The following SH2B3 variants were observed in gnomAD, a reference collection of about 807,000 sequenced individuals.
The protein encoded by SH2B3 is SH2B adaptor protein 3, also known as SH2B adapter protein 3.
A neutral mutation model predicts 51.9 loss-of-function variants in SH2B3; 43 were observed. The observed-to-expected ratio is 0.83, with a 90% CI of 0.65 to 1.07. The LOEUF (loss-of-function observed/expected upper bound fraction) is 1.07, where lower values mean the gene tolerates loss of function less well. Among genes scored for constraint, SH2B3 ranks in the 50% least tolerant of loss-of-function variants. SH2B3 has a pLI of 0.00. For synonymous variants in SH2B3, 396 were observed against 376.0 expected, an observed-to-expected ratio of 1.05 and a Z score of -0.62; for missense variants, 952 against 834.3, an observed-to-expected ratio of 1.14 and a Z score of -1.74.
chr12:111,418,668 CGGCCT>C lies in SH2B3; in HGVS notation c.533_537del (p.Leu178GlnfsTer88). 6 of 1,486,938 alleles carry C rather than the reference CGGCCT, an allele frequency of 4.0e-6. No individual in the cohort carries two copies. Among genetic ancestry groups the C allele is most frequent in the African/African-American group, 1.5e-5 (1 of 67,890 alleles). 92.1% of individuals were successfully genotyped at this position (1,486,938 alleles called of 1,614,324 possible). On this transcript the variant is annotated frameshift_variant, in exon 2 of 8. Coordinates refer to ENST00000341259, the MANE Select transcript of SH2B3 (RefSeq NM_005475.3). LOFTEE classifies it high-confidence loss of function. The surrounding 1 kb of genome is among the most constrained non-coding windows in gnomAD (Gnocchi z 6.7). Reference sequence around the variant, plus strand: ...CGGAGAGGCTGCTGAGACCCCCGCCCGGCCTGGCCTGGCCAAGAAGTTCCTGCCCT... The same window carrying C: ...CGGAGAGGCTGCTGAGACCCCCGCCCGGCCTGGCCAAGAAGTTCCTGCCCT...
At chr12:111,421,665 C>G (rs1370574468) in intron 2 of SH2B3, among the ~76,000 whole-genome samples, 1 of 152,142 alleles carries the variant, frequency 6.6e-6, no homozygotes, top group Non-Finnish European at 1.5e-5. Flanking sequence ...GGTCCCCCCA[C>G]TTCGGCCTCC....
chr12:111,445,452 G>A (rs1190922277), intron 2 of SH2B3, among the ~76,000 whole-genome samples: 2 of 152,332 alleles, frequency 1.3e-5, no homozygotes, highest in East Asian at 1.9e-4. Flanking sequence ...GCCTCACTCT[G>A]CCTGCCTCAT....
intron 2 of SH2B3, among the ~76,000 whole-genome samples, chr12:111,428,756 G>A (rs569206644): frequency 7.2e-5 from 11 of 152,272 alleles, no homozygotes; most frequent in Non-Finnish European, 1.5e-4. Flanking sequence ...CTCCCTCTGG[G>A]TGGGCTGTGA....
chr12:111,432,218 A>C (rs1171476623), intron 2 of SH2B3, among the ~76,000 whole-genome samples: 5 of 151,048 alleles, frequency 3.3e-5, no homozygotes, highest in African/African-American at 1.2e-4. Context: ...CGCCCGGCTA[A>C]TTTTTGTATT....
chr12:111,423,445 C>T (rs1317846113), intron 2 of SH2B3, among the ~76,000 whole-genome samples: 1 of 152,176 alleles, frequency 6.6e-6, no homozygotes, highest in East Asian at 1.9e-4. Flanking sequence ...TGTCAGCTCA[C>T]TGCCAGCTCC....
chr12:111,409,336 C>T lies in SH2B3; in HGVS notation c.-28+3059C>T, dbSNP rs1194064695. On this transcript the variant is annotated intron_variant, in intron 1 of 7. Transcript: ENST00000341259. The surrounding 1 kb of genome is among the most constrained non-coding windows in gnomAD (Gnocchi z 4.0). ...TGCACAGTGCCCGGCATGCAATTGGCACTCAATAAGTGCAAGCCATTGCTG... is the reference window on the plus strand; with the variant it reads ...TGCACAGTGCCCGGCATGCAATTGGTACTCAATAAGTGCAAGCCATTGCTG... 2.0e-5 allele frequency among the ~76,000 whole-genome samples: 3 copies of T among 152,216 alleles called. No individual in the cohort carries two copies. The highest frequency in any genetic ancestry group is 1.3e-4 in the Admixed American group (2 of 15,282).
intron 2 of SH2B3, chr12:111,434,829 A>G (rs1872725627): frequency 6.6e-7 from 1 of 1,522,864 alleles, no homozygotes; most frequent in Non-Finnish European, 8.8e-7. Context: ...GGCCTGTGAC[A>G]TGGTAAACGT....
Position 111,418,431 on chromosome 12 carries a change from C to A in SH2B3, c.286C>A (p.Pro96Thr), listed in dbSNP as rs984821826. The A allele has an allele frequency of 1.4e-6, 2 of 1,456,702 alleles. No homozygotes were observed. The highest frequency in any genetic ancestry group is 1.3e-5 in the South Asian group (1 of 77,274). 90.2% of individuals were successfully genotyped at this position (1,456,702 alleles called of 1,614,324 possible). A position where few individuals can be genotyped will look rare whatever the true frequency, so the allele number is the denominator to read the frequency against. The change falls in exon 2 of 8, where the codon CCC (proline) becomes ACC (threonine). Residue 96 changes from proline to threonine, a missense_variant. Pro to Thr is a conservative substitution (Grantham distance 38). Transcript: ENST00000341259. This position sits in a 1 kb window ranked among gnomAD's most constrained non-coding sequence, Gnocchi z 6.7. ...GRDYRDTGRG[P>T]PAKAEASPEP... The stretch of plus-strand genomic sequence containing the variant: ...CGACTACCGGGACACAGGCCGTGGG[C>A]CCCCAGCCAAGGCCGAGGCGTCCCC...
rs1285094939 is a variant in SH2B3, at chr12:111,447,013, C to A, written c.906C>A (p.Leu302=). 1.2e-6 allele frequency: 2 copies of A among 1,614,020 alleles called. No individual in the cohort carries two copies. The highest frequency in any genetic ancestry group is 2.7e-5 in the African/African-American group (2 of 75,022). Residue 302 remains leucine (L), a synonymous_variant, in exon 4 of 8, where the codon CTC becomes CTA. Coordinates refer to ENST00000341259, the MANE Select transcript of SH2B3 (RefSeq NM_005475.3). ...EQQLNSWMAE[L]SECTGRGLES... is the part of the protein sequence containing the mutation. ...AGCTGAATTCATGGATGGCTGAGCT[C>A]TCGGAGTGCACAGGCCGAGGGTGAG...
intron 1 of SH2B3, among the ~76,000 whole-genome samples, chr12:111,412,811 T>A (rs1870803108): frequency 6.6e-6 from 1 of 152,052 alleles, no homozygotes; most frequent in Non-Finnish European, 1.5e-5. Context: ...GCTCAAGCAA[T>A]CCTCCCGCCT....
intron 1 of SH2B3, among the ~76,000 whole-genome samples, chr12:111,413,604 C>T (rs1049356163): frequency 5.3e-5 from 8 of 152,206 alleles, no homozygotes; most frequent in African/African-American, 1.4e-4. Flanking sequence ...CTCTGACATA[C>T]AGGACTGTGC....
chr12:111,405,243 C>T (rs1315542216), upstream of SH2B3, among the ~76,000 whole-genome samples: 1 of 152,142 alleles, frequency 6.6e-6, no homozygotes, highest in Non-Finnish European at 1.5e-5. This position sits in a 1 kb window ranked among gnomAD's most constrained non-coding sequence, Gnocchi z 5.4. Context: ...GACGGGCGGC[C>T]GGAGCGAGGC....
intron 2 of SH2B3, among the ~76,000 whole-genome samples, chr12:111,443,245 G>A (rs1873608942): frequency 6.6e-6 from 1 of 152,198 alleles, no homozygotes; most frequent in Admixed American, 6.5e-5. Context: ...GTGACCCCAC[G>A]AGGCTGGTGT....
At chr12:111,434,725 TCAC>T in intron 2 of SH2B3, 1 of 1,392,166 alleles carries the variant, frequency 7.2e-7, no homozygotes, top group Non-Finnish European at 9.4e-7. Context: ...GTTTCCTTTT[TCAC>T]TTTTAATTAT....
At chr12:111,442,476 G>C (rs995410797) in intron 2 of SH2B3, among the ~76,000 whole-genome samples, 7 of 152,188 alleles carry the variant, frequency 4.6e-5, no homozygotes, top group Non-Finnish European at 8.8e-5. Flanking sequence ...GCTGTACACC[G>C]ATGAATGTGG....
At chr12:111,408,917 G>A (rs1357709244) in intron 1 of SH2B3, among the ~76,000 whole-genome samples, 1 of 152,224 alleles carries the variant, frequency 6.6e-6, no homozygotes, top group Non-Finnish European at 1.5e-5. Context: ...ATAAGGCACT[G>A]AGCGCTGAGC....
chr12:111,447,563 TG>T lies in SH2B3; in HGVS notation c.1236+23del. The T allele has an allele frequency of 5.4e-6, 1 of 183,954 alleles. No individual in the cohort carries two copies. Among genetic ancestry groups the T allele is most frequent in the Non-Finnish European group, 1.1e-5 (1 of 94,544 alleles). 11.4% of individuals were successfully genotyped at this position (183,954 alleles called of 1,614,324 possible). ...AGCCAAGGTATGGGGTGGGGTGGGG[TG>T]GGGTGGGGCAGGCAGGACCGTGCCA... is the stretch of plus-strand genomic sequence containing the variant. On this transcript the variant is annotated intron_variant, in intron 6 of 7. Coordinates refer to ENST00000341259, the MANE Select transcript of SH2B3 (RefSeq NM_005475.3).
Position 111,446,738 on chromosome 12 carries a change from A to G in SH2B3, c.733-15A>G, listed in dbSNP as rs1156579630. 1 of 1,482,298 alleles carries G rather than the reference A, an allele frequency of 6.7e-7. No individual in the cohort carries two copies. The highest frequency in any genetic ancestry group is 9.1e-7 in the Non-Finnish European group (1 of 1,100,678). The allele number at this position is 1,482,298 out of a possible 1,614,324, so 91.8% of individuals were successfully genotyped here. A position where few individuals can be genotyped will look rare whatever the true frequency, so the allele number is the denominator to read the frequency against. On this transcript the variant is annotated splice_polypyrimidine_tract_variant and intron_variant, in intron 2 of 7. Coordinates refer to ENST00000341259, the MANE Select transcript of SH2B3 (RefSeq NM_005475.3). ...ATCAGGAACAAGCCTTGAGTACCCC[A>G]ACTTGGTCTCGTAGAGTTCAAGGCC...
rs1212309249 is a variant in SH2B3 at position 111,449,068 on chromosome 12, G to GC, written c.*768dup. On this transcript the variant is annotated 3_prime_UTR_variant, in exon 8 of 8. Coordinates refer to ENST00000341259, the MANE Select transcript of SH2B3 (RefSeq NM_005475.3). The stretch of plus-strand genomic sequence containing the variant: ...CGGGACAGTCACCTGCCACTGAGTG[G>GC]CCACTGTCCTTCCTAAATGTCAAGA... 6.6e-6 allele frequency: 1 copy of GC among 152,634 alleles called. No individual in the cohort carries two copies. Among genetic ancestry groups the GC allele is most frequent in the African/African-American group, 2.4e-5 (1 of 41,438 alleles). 9.5% of individuals were successfully genotyped at this position (152,634 alleles called of 1,614,324 possible).
Sources: allele counts gnomAD v4.1 joint callset (sites outside exome capture counted in the v4.1 genomes callset), GRCh38; gene constraint gnomAD v4.1.1; non-coding constraint Gnocchi (gnomAD v3.1); transcripts MANE v1.5; gene names NCBI Gene and HGNC (gene_info 2026-07-23, HGNC 2026-07-21).